The following JAZF1 variants were observed in gnomAD, a reference collection of about 807,000 sequenced individuals.
JAZF1 encodes juxtaposed with another zinc finger protein 1.
Under a neutral mutation model 26.4 loss-of-function variants are expected in JAZF1, and 8 were observed. That is an observed-to-expected ratio of 0.30 (90% CI 0.18 to 0.55). The LOEUF (loss-of-function observed/expected upper bound fraction) is 0.55. JAZF1 is among the 20% of genes least tolerant of loss of function. The pLI is 0.94. For missense variants in JAZF1, 199 were observed against 322.0 expected (o/e 0.62, Z 2.92); for synonymous variants, 126 against 122.3 (o/e 1.03, Z -0.20).
intron 1 of JAZF1, among the ~76,000 whole-genome samples, chr7:28,110,430 AG>A (rs1325665651): frequency 6.8e-6 from 1 of 147,554 alleles, no homozygotes; most frequent in East Asian, 2.0e-4. Flanking sequence ...CATCAAAAAA[AG>A]AAAAAAGAGA....
At position 27,832,463 on chromosome 7, in the gene JAZF1, C is replaced by T. The variant is rs1156984785; in HGVS notation, c.*337G>A. 1 of 235,698 alleles carries T rather than the reference C, an allele frequency of 4.2e-6. No individual in the cohort carries two copies. Among genetic ancestry groups the T allele is most frequent in the Admixed American group, 5.5e-5 (1 of 18,080 alleles). The allele number at this position is 235,698 out of a possible 1,614,324, so 14.6% of individuals were successfully genotyped here. On this transcript the variant is annotated 3_prime_UTR_variant, in exon 5 of 5. Transcript: ENST00000283928. ...AAAATCTCAGTGCCAGCCCCTCCTC[C>T]CCCCAGGTTGATACCACCGCAATAC...
chr7:27,856,871 G>A lies in JAZF1; in HGVS notation c.386-16004C>T, dbSNP rs527903100. Among the ~76,000 whole-genome samples, 15 of 152,326 alleles carry A rather than the reference G, an allele frequency of 9.8e-5. No homozygotes were observed. The South Asian group carries it at 3.1e-3, about 32-fold the overall frequency. On this transcript the variant is annotated intron_variant, in intron 3 of 4. Transcript: ENST00000283928. Reference sequence around the variant, plus strand: ...CACAAACCCTGAGCTAGACACAGGTGCTGATTGTGTTTACAAACCTTGAGC... The same window carrying A: ...CACAAACCCTGAGCTAGACACAGGTACTGATTGTGTTTACAAACCTTGAGC...
intron 1 of JAZF1, among the ~76,000 whole-genome samples, chr7:28,032,367 A>G (rs970308137): frequency 4.6e-5 from 7 of 152,216 alleles, no homozygotes; most frequent in Non-Finnish European, 1.0e-4. Flanking sequence ...TTTGGAAATT[A>G]ATAATAAGAA....
intron 1 of JAZF1, among the ~76,000 whole-genome samples, chr7:28,120,501 CTTTTTTTTTTTTTTTT>C (rs58448766): frequency 1.7e-5 from 1 of 59,004 alleles, no homozygotes; most frequent in Non-Finnish European, 2.8e-5. Context: ...ACACACAGTT[CTTTTTTTTTTTTTTTT>C]TTTTTTTTTG....
At chr7:28,127,399 G>A (rs1374744958) in intron 1 of JAZF1, among the ~76,000 whole-genome samples, 1 of 152,162 alleles carries the variant, frequency 6.6e-6, no homozygotes, top group African/African-American at 2.4e-5. Context: ...GCCTAGCATG[G>A]ACCTGCATTG....
At chr7:27,965,347 A>C (rs1785255210) in intron 2 of JAZF1, among the ~76,000 whole-genome samples, 1 of 152,196 alleles carries the variant, frequency 6.6e-6, no homozygotes, top group South Asian at 2.1e-4. Flanking sequence ...GAAGATCTGA[A>C]CATGTTTATT....
chr7:28,057,819 T>C (rs1215738090), intron 1 of JAZF1, among the ~76,000 whole-genome samples: 3 of 152,246 alleles, frequency 2.0e-5, no homozygotes, highest in Non-Finnish European at 1.5e-5. Context: ...CATTTGTTTA[T>C]GGCTTTTCTC....
Position 27,840,582 on chromosome 7 carries a change from G to A in JAZF1, c.555+116C>T. 9.4e-7 allele frequency: 1 copy of A among 1,066,044 alleles called. No individual in the cohort carries two copies. The highest frequency in any genetic ancestry group is 1.4e-6 in the Non-Finnish European group (1 of 715,354). The allele number at this position is 1,066,044 out of a possible 1,614,324, so 66.0% of individuals were successfully genotyped here. ...GCCCACGCACTCTAATGCAGGAGAG[G>A]GGAGTGTCTCCCCCCAGCCCATACG... is the stretch of plus-strand genomic sequence containing the variant. On this transcript the variant is annotated intron_variant, in intron 4 of 4. Coordinates refer to ENST00000283928, the MANE Select transcript of JAZF1 (RefSeq NM_175061.4). The surrounding 1 kb of genome is among the most constrained non-coding windows in gnomAD (Gnocchi z 5.1).
At chr7:27,931,331 T>C (rs1236947160) in intron 2 of JAZF1, among the ~76,000 whole-genome samples, 1 of 152,226 alleles carries the variant, frequency 6.6e-6, no homozygotes, top group Non-Finnish European at 1.5e-5. Context: ...AAGTCATAGT[T>C]TGCCAGTTGC....
intron 1 of JAZF1, among the ~76,000 whole-genome samples, chr7:28,101,608 G>A (rs1024158748): frequency 6.7e-6 from 1 of 149,244 alleles, no homozygotes; most frequent in Non-Finnish European, 1.5e-5. Flanking sequence ...GCCTGGCATG[G>A]TAATGCACAC....
intron 2 of JAZF1, among the ~76,000 whole-genome samples, chr7:27,945,438 C>T (rs953100694): frequency 2.0e-5 from 3 of 152,186 alleles, no homozygotes; most frequent in Non-Finnish European, 4.4e-5. Flanking sequence ...TGCACCTCTT[C>T]TTAACCCAGG....
intron 1 of JAZF1, among the ~76,000 whole-genome samples, chr7:28,113,440 C>T (rs1356807469): frequency 1.3e-5 from 2 of 152,166 alleles, no homozygotes; most frequent in Non-Finnish European, 2.9e-5. Context: ...CACTCACTCA[C>T]CACAGTCTGC....
rs183419567 is a variant in JAZF1, at chr7:28,111,747, C to T, written c.115+68716G>A. ...CCTAATAACAACAACAGTGTATTTA[C>T]CTTCAGGAGACTTCCCAGGGGTGTG... On this transcript the variant is annotated intron_variant, in intron 1 of 4. Transcript: ENST00000283928. Among the ~76,000 whole-genome samples the T allele has an allele frequency of 6.6e-5, 10 of 152,254 alleles. No homozygotes were observed. The East Asian group carries it at 1.5e-3, about 24-fold the overall frequency.
chr7:28,037,561 G>A (rs1233737198), intron 1 of JAZF1, among the ~76,000 whole-genome samples: 3 of 152,162 alleles, frequency 2.0e-5, no homozygotes, highest in East Asian at 1.9e-4. Flanking sequence ...GGCTTTGAAC[G>A]GGTCCCTTCA....
chr7:28,026,808 C>A (rs11971085), intron 1 of JAZF1, among the ~76,000 whole-genome samples: 6,598 of 152,236 alleles, frequency 0.043, 511 homozygotes, highest in African/African-American at 0.15. Context: ...GAGAAGGGAG[C>A]CAGCACCTCC....
intron 2 of JAZF1, among the ~76,000 whole-genome samples, chr7:27,969,624 A>C (rs2128359282): frequency 6.6e-6 from 1 of 152,282 alleles, no homozygotes; most frequent in Middle Eastern, 3.4e-3. Flanking sequence ...GGAGTGAAAA[A>C]ACCAAACAAC....
chr7:27,998,513 G>A (rs1786068386), intron 1 of JAZF1, among the ~76,000 whole-genome samples: 1 of 152,142 alleles, frequency 6.6e-6, no homozygotes, highest in Non-Finnish European at 1.5e-5. Context: ...GCCTTTGAAT[G>A]GATCAACTTT....
chr7:28,024,484 GTGTGTA>G (rs1783060483), intron 1 of JAZF1, among the ~76,000 whole-genome samples: 1 of 152,188 alleles, frequency 6.6e-6, no homozygotes, highest in South Asian at 2.1e-4. Context: ...GTGTGGGCAT[GTGTGTA>G]TACACACATA....
At chr7:27,905,201 C>T (rs190351970) in intron 2 of JAZF1, among the ~76,000 whole-genome samples, 2 of 152,316 alleles carry the variant, frequency 1.3e-5, no homozygotes, top group East Asian at 3.9e-4. Context: ...TGGGCTCAAG[C>T]AGTCTCGTTG....
Sources: allele counts gnomAD v4.1 joint callset (sites outside exome capture counted in the v4.1 genomes callset), GRCh38; gene constraint gnomAD v4.1.1; non-coding constraint Gnocchi (gnomAD v3.1); transcripts MANE v1.5; gene names NCBI Gene and HGNC (gene_info 2026-07-23, HGNC 2026-07-21).